Variants in ERC2 observed in about 807,000 individuals in gnomAD.
The protein encoded by ERC2 is ELKS/RAB6-interacting/CAST family member 2, also known as ERC protein 2.
A neutral mutation model predicts 114.8 loss-of-function variants in ERC2; 42 were observed. The ratio of observed to expected loss-of-function variants is 0.37; its 90% CI spans 0.29 to 0.47. The LOEUF (loss-of-function observed/expected upper bound fraction) is 0.47, where lower values mean the gene tolerates loss of function less well. Among genes scored for constraint, ERC2 ranks in the 20% least tolerant of loss-of-function variants. ERC2 has a pLI of 0.99. For synonymous variants in ERC2, 454 were observed against 425.5 expected, an observed-to-expected ratio of 1.07 and a Z score of -0.82; for missense variants, 939 against 1,150.7, an observed-to-expected ratio of 0.82 and a Z score of 2.66.
intron 1 of ERC2, among the ~76,000 whole-genome samples, chr3:56,446,649 G>A (rs1416531287): frequency 1.8e-5 from 2 of 110,588 alleles, no homozygotes; most frequent in Admixed American, 1.1e-4. Flanking sequence ...TTTTTGAGAC[G>A]GGGTCTCCCT....
chr3:56,307,574 C>T (rs180688453), intron 2 of ERC2, among the ~76,000 whole-genome samples: 1 of 152,314 alleles, frequency 6.6e-6, no homozygotes, highest in East Asian at 1.9e-4. Context: ...GAGTCCTCAA[C>T]TTCAAATACT....
intron 13 of ERC2, among the ~76,000 whole-genome samples, chr3:55,916,255 T>C (rs2065087478): frequency 6.6e-6 from 1 of 152,200 alleles, no homozygotes; most frequent in Non-Finnish European, 1.5e-5. Flanking sequence ...CAATTGACTT[T>C]AGGCTCATTT....
At chr3:56,044,686 A>T (rs1214788830) in intron 7 of ERC2, among the ~76,000 whole-genome samples, 1 of 152,132 alleles carries the variant, frequency 6.6e-6, no homozygotes, top group Non-Finnish European at 1.5e-5. Flanking sequence ...TCTTAAGAAG[A>T]GATAGCATTT....
chr3:55,586,434 C>A (rs1037434144), intron 17 of ERC2, among the ~76,000 whole-genome samples: 1 of 152,178 alleles, frequency 6.6e-6, no homozygotes, highest in African/African-American at 2.4e-5. Context: ...AGCATCTTAC[C>A]GGATATTTCC....
chr3:56,202,772 T>C (rs1021553589), intron 3 of ERC2, among the ~76,000 whole-genome samples: 2 of 152,026 alleles, frequency 1.3e-5, no homozygotes, highest in Non-Finnish European at 2.9e-5. Flanking sequence ...AGGGGACAAA[T>C]TTTCAGTTAT....
intron 8 of ERC2, among the ~76,000 whole-genome samples, chr3:56,017,087 C>G (rs1007151781): frequency 1.3e-5 from 2 of 152,142 alleles, no homozygotes; most frequent in African/African-American, 4.8e-5. Context: ...TGGTTTCAAG[C>G]TAAATTTGAA....
intron 3 of ERC2, among the ~76,000 whole-genome samples, chr3:56,238,322 C>G (rs957027434): frequency 6.6e-6 from 1 of 152,202 alleles, no homozygotes; most frequent in Non-Finnish European, 1.5e-5. Context: ...CCCCAGATAA[C>G]TCTGTTGTCT....
At chr3:55,667,708 G>A (rs1165560421) in intron 17 of ERC2, among the ~76,000 whole-genome samples, 2 of 152,120 alleles carry the variant, frequency 1.3e-5, no homozygotes. Context: ...AACTCACTTT[G>A]CCCCCCAACA....
chr3:55,726,909 T>C (rs1280430514), intron 15 of ERC2, among the ~76,000 whole-genome samples: 1 of 152,192 alleles, frequency 6.6e-6, no homozygotes, highest in Non-Finnish European at 1.5e-5. Flanking sequence ...TTATCTCTGA[T>C]CTCAAAAATA....
rs188237835 is a variant in ERC2 at position 56,124,745 on chromosome 3, C to A, written c.1473+14764G>T. On this transcript the variant is annotated intron_variant, in intron 6 of 17. Transcript: ENST00000288221. Reference sequence around the variant, plus strand: ...GGAGACATCATCTAGAGATGACGAGCACCAACAGGTGTCTGCCAGGACATA... The same window carrying A: ...GGAGACATCATCTAGAGATGACGAGAACCAACAGGTGTCTGCCAGGACATA... Among the ~76,000 whole-genome samples, 25 of 152,256 alleles carry A rather than the reference C, an allele frequency of 1.6e-4. No homozygotes were observed. In the East Asian group the frequency reaches 4.8e-3, roughly 29 times the overall value.
intron 11 of ERC2, among the ~76,000 whole-genome samples, chr3:55,990,831 C>T (rs1393047619): frequency 1.3e-5 from 2 of 152,196 alleles, no homozygotes; most frequent in African/African-American, 4.8e-5. Context: ...TCACTCACTT[C>T]TAACAAGATT....
chr3:56,018,534 A>C (rs1393629611), intron 8 of ERC2, among the ~76,000 whole-genome samples: 1 of 152,160 alleles, frequency 6.6e-6, no homozygotes, highest in African/African-American at 2.4e-5. Flanking sequence ...AATGAAAGAA[A>C]GAATGAGGGA....
intron 17 of ERC2, among the ~76,000 whole-genome samples, chr3:55,610,054 CAA>C (rs2148560598): frequency 2.1e-5 from 1 of 48,304 alleles, no homozygotes; most frequent in Non-Finnish European, 4.6e-5. Flanking sequence ...AAAAAACAAA[CAA>C]ACACAAACAA....
intron 15 of ERC2, among the ~76,000 whole-genome samples, chr3:55,719,027 T>C (rs1230502703): frequency 2.6e-5 from 4 of 152,184 alleles, no homozygotes; most frequent in African/African-American, 7.2e-5. Flanking sequence ...AGTGAAGTCG[T>C]ACATTTCCTT....
intron 5 of ERC2, among the ~76,000 whole-genome samples, chr3:56,145,226 G>A (rs1357132374): frequency 1.3e-5 from 2 of 152,280 alleles, no homozygotes; most frequent in East Asian, 3.9e-4. Context: ...TCTATCAGAG[G>A]TTTATAAGAA....
At chr3:55,768,929 C>T (rs192119376) in intron 14 of ERC2, among the ~76,000 whole-genome samples, 2 of 152,264 alleles carry the variant, frequency 1.3e-5, no homozygotes, top group East Asian at 3.9e-4. Context: ...ATCCCTGTGG[C>T]CACTGTGTGG....
chr3:56,376,584 G>A (rs2059550788), intron 2 of ERC2, among the ~76,000 whole-genome samples: 2 of 152,040 alleles, frequency 1.3e-5, no homozygotes, highest in Non-Finnish European at 2.9e-5. Context: ...CCAACATGGT[G>A]AAACCCTGTT....
At chr3:55,754,293 A>G (rs921685691) in intron 14 of ERC2, among the ~76,000 whole-genome samples, 4 of 152,074 alleles carry the variant, frequency 2.6e-5, no homozygotes, top group Non-Finnish European at 5.9e-5. Context: ...ATGGTATCAC[A>G]ATTCCACTGC....
intron 11 of ERC2, 52 bp downstream of exon 11, chr3:55,992,005 A>G (rs1027666667): frequency 6.5e-6 from 10 of 1,533,150 alleles, no homozygotes; most frequent in African/African-American, 1.4e-5. Flanking sequence ...ATGGGCAACC[A>G]CGCAGTCCAT....
Sources: allele counts gnomAD v4.1 joint callset (sites outside exome capture counted in the v4.1 genomes callset), GRCh38; gene constraint gnomAD v4.1.1; transcripts MANE v1.5; gene names NCBI Gene and HGNC (gene_info 2026-07-23, HGNC 2026-07-21).